The following MACROD2 variants were observed in gnomAD, a reference collection of about 807,000 sequenced individuals.
MACROD2 encodes mono-ADP ribosylhydrolase 2.
In MACROD2, 36 loss-of-function variants were observed where a neutral mutation model predicts 70.4. The observed-to-expected ratio is 0.51, with a 90% CI of 0.39 to 0.68. The LOEUF is 0.68. Ranked by LOEUF, MACROD2 falls within the 30% of genes least tolerant of loss-of-function variation. MACROD2 has a pLI of 0.00. For synonymous variants in MACROD2, 172 were observed against 178.8 expected, an observed-to-expected ratio of 0.96 and a Z score of 0.30; for missense variants, 496 against 538.4, an observed-to-expected ratio of 0.92 and a Z score of 0.78.
chr20:14,045,178 C>T (rs2053453200), intron 2 of MACROD2, among the ~76,000 whole-genome samples: 1 of 152,244 alleles, frequency 6.6e-6, no homozygotes, highest in South Asian at 2.1e-4. Flanking sequence ...CCACACCTCC[C>T]TGCAAGCTGA....
rs565064491 is a variant in MACROD2 at position 14,414,740 on chromosome 20, C to T, written c.272-78739C>T. The stretch of plus-strand genomic sequence containing the variant: ...TTTTCTTCAAACAACACACAAGCCT[C>T]GACTTTGTGTAGGCTTTGCACTGCT... On this transcript the variant is annotated intron_variant, in intron 3 of 17. Coordinates refer to ENST00000684519, the MANE Select transcript of MACROD2 (RefSeq NM_001351661.2). Among the ~76,000 whole-genome samples, 9 of 152,244 alleles carry T rather than the reference C, an allele frequency of 5.9e-5. No homozygotes were observed. In the East Asian group the frequency reaches 1.4e-3, roughly 23 times the overall value.
chr20:15,682,277 A>G (rs2050170495), intron 8 of MACROD2, among the ~76,000 whole-genome samples: 1 of 152,204 alleles, frequency 6.6e-6, no homozygotes, highest in Admixed American at 6.5e-5. Flanking sequence ...TGAGGATTTA[A>G]TAGGAAAGAT....
intron 5 of MACROD2, among the ~76,000 whole-genome samples, chr20:14,920,889 T>TCA (rs1168003570): frequency 6.6e-6 from 1 of 152,112 alleles, no homozygotes; most frequent in African/African-American, 2.4e-5. Flanking sequence ...ATTAGGAAAG[T>TCA]CACTTGGTCT....
intron 4 of MACROD2, among the ~76,000 whole-genome samples, chr20:14,550,243 T>C (rs1313164162): frequency 6.6e-6 from 1 of 152,092 alleles, no homozygotes; most frequent in Non-Finnish European, 1.5e-5. Context: ...TTTAAGCCCA[T>C]GTAGTCAATC....
At chr20:15,445,272 A>G (rs756530798) in intron 7 of MACROD2, among the ~76,000 whole-genome samples, 2 of 152,188 alleles carry the variant, frequency 1.3e-5, no homozygotes, top group East Asian at 3.9e-4. Flanking sequence ...CTGTGAGTTC[A>G]GCTGTCTGGA....
chr20:14,862,644 T>TAA (rs2073378009), intron 5 of MACROD2, among the ~76,000 whole-genome samples: 7 of 9,972 alleles, frequency 7.0e-4, no homozygotes, highest in Admixed American at 2.9e-3. Flanking sequence ...TATATATAAA[T>TAA]ATATATATAT....
intron 5 of MACROD2, among the ~76,000 whole-genome samples, chr20:14,998,257 C>T (rs1486250913): frequency 6.6e-6 from 1 of 152,152 alleles, no homozygotes; most frequent in Non-Finnish European, 1.5e-5. Flanking sequence ...AACATAACCT[C>T]ACCATATGCA....
intron 5 of MACROD2, among the ~76,000 whole-genome samples, chr20:14,740,922 G>C (rs1254902696): frequency 1.3e-5 from 2 of 152,084 alleles, no homozygotes; most frequent in African/African-American, 4.8e-5. Context: ...TGTGAGTTCT[G>C]CTTCAGTTCC....
intron 8 of MACROD2, among the ~76,000 whole-genome samples, chr20:15,568,121 C>A (rs2048332038): frequency 6.6e-6 from 1 of 152,166 alleles, no homozygotes; most frequent in Non-Finnish European, 1.5e-5. Context: ...ATAGGAAAAG[C>A]CCTGTGTTTC....
chr20:15,581,617 A>G (rs962119040), intron 8 of MACROD2, among the ~76,000 whole-genome samples: 2 of 152,164 alleles, frequency 1.3e-5, no homozygotes, highest in Non-Finnish European at 2.9e-5. Context: ...GAGGGAAGAA[A>G]TCTAAATGAC....
chr20:14,734,573 A>G (rs1308100941), intron 5 of MACROD2, among the ~76,000 whole-genome samples: 2 of 151,688 alleles, frequency 1.3e-5, no homozygotes, highest in Non-Finnish European at 2.9e-5. Context: ...AATAACAGGA[A>G]GGTACTAACA....
chr20:15,669,444 A>G (rs773000671), intron 8 of MACROD2, among the ~76,000 whole-genome samples: 1 of 152,060 alleles, frequency 6.6e-6, no homozygotes, highest in Non-Finnish European at 1.5e-5. Context: ...GTTCTTTCCT[A>G]CTCTTGAAAC....
chr20:14,594,239 T>A (rs1224727037), intron 4 of MACROD2, among the ~76,000 whole-genome samples: 1 of 152,220 alleles, frequency 6.6e-6, no homozygotes, highest in Non-Finnish European at 1.5e-5. Context: ...TCCTGCCTAA[T>A]ACTCACTCAT....
At chr20:15,150,550 A>C (rs916499168) in intron 5 of MACROD2, among the ~76,000 whole-genome samples, 3 of 151,954 alleles carry the variant, frequency 2.0e-5, no homozygotes, top group Non-Finnish European at 2.9e-5. Flanking sequence ...AATCCTTTTA[A>C]AGCATGCTGT....
intron 4 of MACROD2, among the ~76,000 whole-genome samples, chr20:14,616,717 CCT>C (rs1408365304): frequency 3.9e-5 from 6 of 152,028 alleles, no homozygotes; most frequent in African/African-American, 1.4e-4. Flanking sequence ...TCTTTTTTCT[CCT>C]CTCTGTCACA....
intron 5 of MACROD2, among the ~76,000 whole-genome samples, chr20:14,815,423 A>G (rs1037116082): frequency 6.6e-6 from 1 of 152,080 alleles, no homozygotes; most frequent in African/African-American, 2.4e-5. Flanking sequence ...ACCAAATGAC[A>G]TTGAAGTTTT....
chr20:15,680,462 A>G (rs1055404659), intron 8 of MACROD2, among the ~76,000 whole-genome samples: 1 of 152,144 alleles, frequency 6.6e-6, no homozygotes, highest in Non-Finnish European at 1.5e-5. Context: ...CCCGACCTAT[A>G]TCATGACTTG....
At chr20:15,371,250 G>T (rs1055085083) in intron 6 of MACROD2, among the ~76,000 whole-genome samples, 1 of 152,154 alleles carries the variant, frequency 6.6e-6, no homozygotes, top group African/African-American at 2.4e-5. Context: ...TCTTCATCAC[G>T]GCTTGCCTTT....
At chr20:15,531,314 T>C (rs564746834) in intron 8 of MACROD2, among the ~76,000 whole-genome samples, 26 of 146,964 alleles carry the variant, frequency 1.8e-4, no homozygotes, top group African/African-American at 6.5e-4. Flanking sequence ...TTTAATAACA[T>C]AAACAAAAAT....
Sources: gnomAD v4.1 joint callset for allele counts (sites outside exome capture counted in the v4.1 genomes callset) on GRCh38, gnomAD v4.1.1 for gene constraint, MANE v1.5 for transcripts, NCBI Gene and HGNC (gene_info 2026-07-23, HGNC 2026-07-21) for gene names.